Variants in ENTPD1 observed in about 807,000 individuals in gnomAD.
ENTPD1 encodes ATP diphosphohydrolase.
ENTPD1 carries 33 observed loss-of-function variants against 57.0 expected under a neutral mutation model. The observed-to-expected ratio is 0.58, with a 90% CI of 0.44 to 0.77. The LOEUF (loss-of-function observed/expected upper bound fraction) is 0.77, where lower values mean the gene tolerates loss of function less well. ENTPD1 is among the 30% of genes least tolerant of loss of function. The probability of loss-of-function intolerance (pLI) is 0.00; values close to 1 mark genes in which losing one functional copy is unlikely to be tolerated. For missense variants in ENTPD1, 501 were observed against 603.4 expected (o/e 0.83, Z 1.78); for synonymous variants, 202 against 218.8 (o/e 0.92, Z 0.68).
At chr10:95,842,521 T>C (rs2098424685) in intron 4 of ENTPD1, 27 bp downstream of exon 4, 1 of 1,605,022 alleles carries the variant, frequency 6.2e-7, no homozygotes, top group Non-Finnish European at 8.5e-7. Context: ...GGACCAAGAG[T>C]ATCTGGGAGT....
chr10:95,756,520 G>C (rs1225175174), intron 1 of ENTPD1: 1 of 453,868 alleles, frequency 2.2e-6, no homozygotes, highest in African/African-American at 2.6e-5. Context: ...ATTCAGAGTT[G>C]GTTTTTTTAG....
At chr10:95,696,179 C>CT in the ENTPD1 span, among the ~76,000 whole-genome samples, 1 of 151,860 alleles carries the variant, frequency 6.6e-6, no homozygotes, top group Non-Finnish European at 1.5e-5. Flanking sequence ...TTTAACACAA[C>CT]TTTTTTTTAG....
the ENTPD1 span, among the ~76,000 whole-genome samples, chr10:95,695,150 C>T: frequency 6.6e-6 from 1 of 152,148 alleles, no homozygotes. Context: ...GTGACCCTCC[C>T]GCCTTGGCCT....
intron 1 of ENTPD1, among the ~76,000 whole-genome samples, chr10:95,803,108 C>T (rs1240326153): frequency 6.6e-6 from 1 of 152,038 alleles, no homozygotes; most frequent in African/African-American, 2.4e-5. Context: ...TCAATGGTAG[C>T]TTAATAGGAA....
At chr10:95,814,737 T>C (rs2098323983) in intron 1 of ENTPD1, among the ~76,000 whole-genome samples, 1 of 152,060 alleles carries the variant, frequency 6.6e-6, no homozygotes, top group African/African-American at 2.4e-5. Context: ...AGAGTGGAAA[T>C]AAAATAGCAT....
intron 1 of ENTPD1, among the ~76,000 whole-genome samples, chr10:95,778,611 T>C (rs1234701125): frequency 6.6e-6 from 1 of 152,234 alleles, no homozygotes; most frequent in Non-Finnish European, 1.5e-5. Context: ...ACCTTATCTT[T>C]TAACCTTTTT....
chr10:95,864,671 C>T, intron 8 of ENTPD1, 53 bp from the exon 9 acceptor site: 1 of 1,611,844 alleles, frequency 6.2e-7, no homozygotes, highest in Non-Finnish European at 8.5e-7. Context: ...AAAAGAGGGC[C>T]ACAGAGAGGT....
intron 1 of ENTPD1, among the ~76,000 whole-genome samples, chr10:95,720,159 G>C (rs183852972): frequency 6.6e-6 from 1 of 151,438 alleles, no homozygotes; most frequent in Non-Finnish European, 1.5e-5. Context: ...GTTGGGCCTC[G>C]GGTGTAAGGG....
intron 7 of ENTPD1, among the ~76,000 whole-genome samples, chr10:95,858,172 A>G (rs1219158409): frequency 2.6e-5 from 4 of 151,422 alleles, no homozygotes; most frequent in Non-Finnish European, 4.4e-5. Context: ...AAAAAAAAAA[A>G]GTAACTGCTG....
At chr10:95,853,412 A>G (rs1344789948) in intron 7 of ENTPD1, among the ~76,000 whole-genome samples, 1 of 152,160 alleles carries the variant, frequency 6.6e-6, no homozygotes, top group African/African-American at 2.4e-5. Context: ...TCCTAATTGA[A>G]TGCCCTTTAT....
chr10:95,816,318 CGCAACATTTACATCAGTGTAACTTT>C (rs2140489451), intron 1 of ENTPD1, among the ~76,000 whole-genome samples: 1 of 152,228 alleles, frequency 6.6e-6, no homozygotes, highest in African/African-American at 2.4e-5. Flanking sequence ...CATGTAACAG[CGCAACATTTACATCAGTGTAACTTT>C]GGGAAGTTAC....
At chr10:95,853,671 C>T (rs2098449388) in intron 7 of ENTPD1, among the ~76,000 whole-genome samples, 4 of 152,194 alleles carry the variant, frequency 2.6e-5, no homozygotes, top group African/African-American at 9.7e-5. Flanking sequence ...AAGGCCTTTT[C>T]TGCATCTATT....
At chr10:95,728,625 G>A (rs1197364101) in intron 1 of ENTPD1, among the ~76,000 whole-genome samples, 1 of 152,152 alleles carries the variant, frequency 6.6e-6, no homozygotes. Context: ...AAATATGTGA[G>A]AGCCATGAGA....
intron 1 of ENTPD1, among the ~76,000 whole-genome samples, chr10:95,822,389 G>A (rs1460428326): frequency 7.4e-5 from 11 of 147,874 alleles, no homozygotes; most frequent in Non-Finnish European, 9.0e-5. Flanking sequence ...CTCTGCCTCC[G>A]GGGTTCAAGC....
intron 1 of ENTPD1, among the ~76,000 whole-genome samples, chr10:95,808,868 C>A (rs546772077): frequency 3.3e-5 from 5 of 152,200 alleles, no homozygotes; most frequent in Admixed American, 1.3e-4. Flanking sequence ...GAGGACCCTG[C>A]AGCCTTCCGC....
chr10:95,823,166 G>C, intron 1 of ENTPD1, 71 bp from the exon 2 acceptor site: 4 of 1,600,746 alleles, frequency 2.5e-6, no homozygotes, highest in Non-Finnish European at 3.4e-6. Context: ...TACAAGACCA[G>C]ACAGAAAGGG....
chr10:95,843,822 C>G (rs1163169787), intron 4 of ENTPD1, among the ~76,000 whole-genome samples: 2 of 152,198 alleles, frequency 1.3e-5, no homozygotes, highest in Non-Finnish European at 2.9e-5. Context: ...AGGTAGCATC[C>G]TCTCGCTCAG....
At chr10:95,810,214 G>T (rs1440791398) in intron 1 of ENTPD1, among the ~76,000 whole-genome samples, 4 of 145,776 alleles carry the variant, frequency 2.7e-5, no homozygotes, top group Non-Finnish European at 6.0e-5. Flanking sequence ...ATCCCAGACG[G>T]GGTGGTGGCC....
chr10:95,818,010 G>C (rs781178607), intron 1 of ENTPD1, among the ~76,000 whole-genome samples: 1 of 152,158 alleles, frequency 6.6e-6, no homozygotes, highest in African/African-American at 2.4e-5. Flanking sequence ...AAACTGAAAT[G>C]GTTCAAGCTA....
Sources: allele counts gnomAD v4.1 joint callset (sites outside exome capture counted in the v4.1 genomes callset), GRCh38; gene constraint gnomAD v4.1.1; transcripts MANE v1.5; gene names NCBI Gene and HGNC (gene_info 2026-07-23, HGNC 2026-07-21).